Variants in MAPKAP1 observed in about 807,000 individuals in gnomAD.
The protein encoded by MAPKAP1 is target of rapamycin complex 2 subunit MAPKAP1.
A neutral mutation model predicts 65.7 loss-of-function variants in MAPKAP1; 20 were observed. The ratio of observed to expected loss-of-function variants is 0.30; its 90% CI spans 0.21 to 0.44. MAPKAP1 has a LOEUF of 0.44. Ranked by LOEUF, MAPKAP1 falls within the 20% of genes least tolerant of loss-of-function variation. The pLI is 1.00. For synonymous variants in MAPKAP1, 222 were observed against 244.3 expected, an observed-to-expected ratio of 0.91 and a Z score of 0.85; for missense variants, 423 against 648.0, an observed-to-expected ratio of 0.65 and a Z score of 3.77.
At chr9:125,505,544 C>G (rs1829115156) in intron 8 of MAPKAP1, among the ~76,000 whole-genome samples, 1 of 152,160 alleles carries the variant, frequency 6.6e-6, no homozygotes, top group Non-Finnish European at 1.5e-5. Flanking sequence ...TGCGGTATGG[C>G]AGAATATAAC....
intron 4 of MAPKAP1, among the ~76,000 whole-genome samples, chr9:125,624,603 A>G (rs1410715376): frequency 3.5e-5 from 1 of 28,306 alleles, no homozygotes; most frequent in Non-Finnish European, 6.4e-5. Context: ...CCCGTCCGGG[A>G]GGGAGGTGGG....
intron 1 of MAPKAP1, among the ~76,000 whole-genome samples, chr9:125,693,576 CACAT>C (rs1385181941): frequency 4.0e-5 from 6 of 150,408 alleles, no homozygotes; most frequent in African/African-American, 9.8e-5. Context: ...TACATACACA[CACAT>C]ATATACACGT....
At chr9:125,692,605 G>A (rs1835203465) in intron 1 of MAPKAP1, among the ~76,000 whole-genome samples, 1 of 152,150 alleles carries the variant, frequency 6.6e-6, no homozygotes, top group African/African-American at 2.4e-5. Context: ...TATCCTAAGA[G>A]TCATTAAATT....
intron 5 of MAPKAP1, among the ~76,000 whole-genome samples, chr9:125,570,618 A>G (rs1831199553): frequency 6.6e-6 from 1 of 152,238 alleles, no homozygotes; most frequent in African/African-American, 2.4e-5. Context: ...TGCAATTGAA[A>G]CTACTGAAAT....
At chr9:125,639,751 A>G (rs972390332) in intron 4 of MAPKAP1, among the ~76,000 whole-genome samples, 1 of 152,210 alleles carries the variant, frequency 6.6e-6, no homozygotes, top group Non-Finnish European at 1.5e-5. Context: ...GGAATTTTCC[A>G]GGAGAAAGAA....
intron 1 of MAPKAP1, among the ~76,000 whole-genome samples, chr9:125,705,162 T>C (rs1360068985): frequency 6.6e-6 from 1 of 152,204 alleles, no homozygotes; most frequent in African/African-American, 2.4e-5. Flanking sequence ...TATATAACTT[T>C]TGGTTTCAAT....
intron 10 of MAPKAP1, among the ~76,000 whole-genome samples, chr9:125,450,315 CAG>C (rs1476201738): frequency 3.9e-5 from 6 of 152,172 alleles, no homozygotes; most frequent in Admixed American, 1.3e-4. Context: ...ATTTAGAAGA[CAG>C]AGGAGAACCT....
intron 8 of MAPKAP1, among the ~76,000 whole-genome samples, chr9:125,497,179 C>A (rs1828832133): frequency 6.6e-6 from 1 of 152,184 alleles, no homozygotes; most frequent in Admixed American, 6.5e-5. Flanking sequence ...TCTTCCTTCC[C>A]ATAGTCCACC....
rs753378949 is a variant in MAPKAP1, at chr9:125,672,298, C to G, written c.259+18G>C. On this transcript the variant is annotated intron_variant, in intron 2 of 11. Coordinates refer to ENST00000265960, the MANE Select transcript of MAPKAP1 (RefSeq NM_001006617.3). ...CTGATTTAAAGCTCAGAAGACATGA[C>G]TAGAACACAATGTTTACCTGTGTTT... 2 of 1,612,986 alleles carry G rather than the reference C, an allele frequency of 1.2e-6. No homozygotes were observed. The highest frequency in any genetic ancestry group is 3.3e-5 in the Admixed American group (2 of 60,002).
Position 125,655,843 on chromosome 9 carries a change from T to A in MAPKAP1, c.498+1808A>T, listed in dbSNP as rs1463129202. On this transcript the variant is annotated intron_variant, in intron 4 of 11. Coordinates refer to ENST00000265960, the MANE Select transcript of MAPKAP1 (RefSeq NM_001006617.3). The stretch of plus-strand genomic sequence containing the variant: ...ATCCTTCGTGGATTACAAATAGACT[T>A]GCTATGACAAAAGCATTGAGAGCCT... Among the ~76,000 whole-genome samples, 5 of 152,324 alleles carry A rather than the reference T, an allele frequency of 3.3e-5. No individual in the cohort carries two copies. In the East Asian group the frequency reaches 9.6e-4, roughly 29 times the overall value.
intron 1 of MAPKAP1, among the ~76,000 whole-genome samples, chr9:125,691,976 C>G (rs774670151): frequency 2.0e-5 from 3 of 152,190 alleles, no homozygotes; most frequent in Non-Finnish European, 2.9e-5. Context: ...ATTCCTAGAG[C>G]CTAGGGCTGC....
intron 1 of MAPKAP1, among the ~76,000 whole-genome samples, chr9:125,677,403 A>G (rs1834678869): frequency 6.6e-6 from 1 of 152,126 alleles, no homozygotes; most frequent in Non-Finnish European, 1.5e-5. Flanking sequence ...TCCATCTGAA[A>G]AAAATAATAA....
chr9:125,677,213 C>T (rs985307794), intron 1 of MAPKAP1, among the ~76,000 whole-genome samples: 1 of 151,894 alleles, frequency 6.6e-6, no homozygotes, highest in African/African-American at 2.4e-5. Flanking sequence ...CCGAGGCGGG[C>T]GGATCACTTG....
intron 4 of MAPKAP1, among the ~76,000 whole-genome samples, chr9:125,630,928 C>T (rs907429101): frequency 1.8e-4 from 27 of 151,958 alleles, no homozygotes; most frequent in Non-Finnish European, 2.9e-5. Flanking sequence ...GCCATCTCTA[C>T]AAAAAATAAT....
intron 11 of MAPKAP1, among the ~76,000 whole-genome samples, chr9:125,443,052 G>T (rs1175343989): frequency 6.6e-6 from 1 of 152,152 alleles, no homozygotes; most frequent in African/African-American, 2.4e-5. Context: ...TTTTCATCTG[G>T]GAAATGGGAA....
At chr9:125,458,990 C>T (rs112810648) in intron 10 of MAPKAP1, among the ~76,000 whole-genome samples, 20,501 of 93,476 alleles carry the variant, frequency 0.22, 2,319 homozygotes, top group Non-Finnish European at 0.29. Context: ...GGGTGGCTGC[C>T]GGGCGGAGGG....
chr9:125,554,522 G>A (rs1435895945), intron 6 of MAPKAP1, among the ~76,000 whole-genome samples: 1 of 152,192 alleles, frequency 6.6e-6, no homozygotes, highest in African/African-American at 2.4e-5. Context: ...TTCTAGGTTA[G>A]GAGCGGTGGC....
intron 1 of MAPKAP1, among the ~76,000 whole-genome samples, chr9:125,692,186 A>C (rs1487756713): frequency 6.6e-6 from 1 of 152,244 alleles, no homozygotes; most frequent in Non-Finnish European, 1.5e-5. Context: ...AGAACTAAAA[A>C]CATATGTTCA....
intron 4 of MAPKAP1, among the ~76,000 whole-genome samples, chr9:125,633,188 G>T (rs752195572): frequency 4.6e-5 from 7 of 152,248 alleles, no homozygotes; most frequent in Admixed American, 1.3e-4. Flanking sequence ...ATTTAAGGAA[G>T]ATTTCAATGC....
Sources: gnomAD v4.1 joint callset for allele counts (sites outside exome capture counted in the v4.1 genomes callset) on GRCh38, gnomAD v4.1.1 for gene constraint, MANE v1.5 for transcripts, NCBI Gene and HGNC (gene_info 2026-07-23, HGNC 2026-07-21) for gene names.